The following DNAH7 variants were observed in gnomAD, a reference collection of about 807,000 sequenced individuals.
DNAH7 encodes dynein axonemal heavy chain 7.
DNAH7 carries 397 observed loss-of-function variants against 444.6 expected under a neutral mutation model. The ratio of observed to expected loss-of-function variants is 0.89; its 90% CI spans 0.82 to 0.97. The LOEUF is 0.97. Among genes scored for constraint, DNAH7 ranks in the 50% least tolerant of loss-of-function variants. The probability of loss-of-function intolerance (pLI) is 0.00; values close to 1 mark genes in which losing one functional copy is unlikely to be tolerated. For missense variants in DNAH7, 4,902 were observed against 4,800.8 expected, an observed-to-expected ratio of 1.02 and a Z score of -0.62; for synonymous variants, 1,636 against 1,624.4, an observed-to-expected ratio of 1.01 and a Z score of -0.17.
chr2:195,743,382 G>T (rs1693169370), intron 63 of DNAH7, among the ~76,000 whole-genome samples: 1 of 152,070 alleles, frequency 6.6e-6, no homozygotes, highest in Non-Finnish European at 1.5e-5. Flanking sequence ...TATTAGTTCT[G>T]TCCCTCTAGA....
chr2:195,899,127 T>A (rs1686533619), intron 28 of DNAH7, among the ~76,000 whole-genome samples: 1 of 152,224 alleles, frequency 6.6e-6, no homozygotes, highest in South Asian at 2.1e-4. Context: ...GCATGTCCTG[T>A]TGATCTGGAT....
chr2:195,871,581 T>A (rs560222863), intron 40 of DNAH7, among the ~76,000 whole-genome samples: 16 of 151,638 alleles, frequency 1.1e-4, no homozygotes, highest in African/African-American at 3.9e-4. Context: ...AGTAATACTA[T>A]ACAAATAAGT....
chr2:195,787,472 C>T lies in DNAH7; in HGVS notation c.10717-301G>A, dbSNP rs571101426. The stretch of plus-strand genomic sequence containing the variant: ...CAGATTTTTGAGGTCCTTACTGAAG[C>T]ATCATAAGGCAACATGTAACAATTC... On this transcript the variant is annotated intron_variant, in intron 57 of 64. Transcript: ENST00000312428. 2.6e-5 allele frequency among the ~76,000 whole-genome samples: 4 copies of T among 152,164 alleles called. No individual in the cohort carries two copies. In the South Asian group the frequency reaches 8.3e-4, roughly 32 times the overall value.
intron 1 of DNAH7, among the ~76,000 whole-genome samples, chr2:196,061,098 G>A (rs1321786200): frequency 3.9e-5 from 6 of 152,006 alleles, no homozygotes; most frequent in Admixed American, 6.6e-5. Flanking sequence ...TTTGTGGTAC[G>A]AGCACTTAAA....
chr2:195,966,367 C>A (rs1021768621), intron 17 of DNAH7, among the ~76,000 whole-genome samples: 6 of 152,078 alleles, frequency 3.9e-5, no homozygotes, highest in Admixed American at 2.0e-4. Flanking sequence ...TGTGACCTAA[C>A]ATATGGTCTA....
At chr2:195,926,864 A>G (rs1033328392) in intron 21 of DNAH7, among the ~76,000 whole-genome samples, 10 of 152,106 alleles carry the variant, frequency 6.6e-5, no homozygotes, top group African/African-American at 2.4e-4. Context: ...CATCCTAGAT[A>G]CATTTGGATT....
rs1254889850 is a variant in DNAH7, at chr2:196,001,755, C to T, written c.1093G>A (p.Ala365Thr). 1 of 1,612,352 alleles carries T rather than the reference C, an allele frequency of 6.2e-7. No individual in the cohort carries two copies. The highest frequency in any genetic ancestry group is 1.3e-5 in the African/African-American group (1 of 74,996). Residue 365 changes from alanine to threonine, a missense_variant, in exon 11 of 65, where the codon GCT becomes ACT. Coordinates refer to ENST00000312428, the MANE Select transcript of DNAH7 (RefSeq NM_018897.3). The part of the protein sequence containing the change: ...AKLESFFNCA[A>T]ALMTLQLQDL... ...TGCAGCTGTAAAGTCATAAGTGCAG[C>T]AGCACAGTTGAAAAAAGATTCCAAT...
At chr2:195,840,798 G>A (rs1698637645) in intron 47 of DNAH7, among the ~76,000 whole-genome samples, 1 of 151,688 alleles carries the variant, frequency 6.6e-6, no homozygotes, top group African/African-American at 2.4e-5. Context: ...ATCAAAGGAG[G>A]CCTAAGTACA....
intron 29 of DNAH7, among the ~76,000 whole-genome samples, chr2:195,895,938 C>A (rs1338386368): frequency 6.6e-6 from 1 of 152,072 alleles, no homozygotes; most frequent in Admixed American, 6.6e-5. Context: ...CAAAGTGCTA[C>A]AGTTTTTAAA....
intron 57 of DNAH7, among the ~76,000 whole-genome samples, chr2:195,792,424 C>G (rs1446903238): frequency 6.7e-6 from 1 of 149,392 alleles, no homozygotes; most frequent in Non-Finnish European, 1.5e-5. Flanking sequence ...CACACACACA[C>G]ACACACACAC....
At chr2:195,855,221 TATAAA>T (rs139062451) in intron 45 of DNAH7, among the ~76,000 whole-genome samples, 2,379 of 152,342 alleles carry the variant, frequency 0.016, 46 homozygotes, top group East Asian at 0.07. Context: ...TGTTGACTGT[TATAAA>T]ATATTATGAA....
Position 195,950,851 on chromosome 2 carries a change from C to CAAAAAAA in DNAH7, c.3078+6403_3078+6409dup, listed in dbSNP as rs67782183. On this transcript the variant is annotated intron_variant, in intron 19 of 64. Transcript: ENST00000312428. Reference sequence around the variant, plus strand: ...TAGGCAACAGAGTGGGACTCTGTCTCAAAAAAAAAAAAAAAAAAAAAAAAA... The same window carrying CAAAAAAA: ...TAGGCAACAGAGTGGGACTCTGTCTCAAAAAAAAAAAAAAAAAAAAAAAAAAAAAAAA... Among the ~76,000 whole-genome samples, 80 of 36,708 alleles carry CAAAAAAA rather than the reference C, an allele frequency of 2.2e-3. 11 individuals are homozygous for CAAAAAAA. The highest frequency in any genetic ancestry group is 4.2e-3 in the East Asian group (3 of 710). The allele number at this position is 36,708 out of a possible 152,430, so 24.1% of individuals were successfully genotyped here. A position where few individuals can be genotyped will look rare whatever the true frequency, so the allele number is the denominator to read the frequency against.
intron 12 of DNAH7, among the ~76,000 whole-genome samples, chr2:195,992,480 T>C (rs1312615186): frequency 1.3e-5 from 2 of 152,258 alleles, no homozygotes; most frequent in African/African-American, 4.8e-5. Context: ...GAAATCTTCC[T>C]GCAGTAAACT....
intron 19 of DNAH7, among the ~76,000 whole-genome samples, chr2:195,940,176 T>C (rs1305659242): frequency 7.9e-5 from 12 of 152,036 alleles, no homozygotes. Context: ...AAAACAGATA[T>C]ATAGACCAAT....
At chr2:195,945,900 T>C (rs932274835) in intron 19 of DNAH7, among the ~76,000 whole-genome samples, 1 of 152,122 alleles carries the variant, frequency 6.6e-6, no homozygotes, top group Admixed American at 6.6e-5. Flanking sequence ...GATTATCCAC[T>C]TACTTCATCT....
In DNAH7 at chr2:195,864,926, T is replaced by C; in HGVS notation, c.6729A>G (p.Glu2243=). The change falls in exon 41 of 65, where the codon GAA becomes GAG. Residue 2243 remains glutamate, a synonymous_variant. Coordinates refer to ENST00000312428, the MANE Select transcript of DNAH7 (RefSeq NM_018897.3). Reference sequence around the variant, plus strand: ...AACGCTGAAAAAGCTCATGAAAATCTTCATACATGTAGTTTCTCAAAATTT... The same window carrying C: ...AACGCTGAAAAAGCTCATGAAAATCCTCATACATGTAGTTTCTCAAAATTT... ...IQEILRNYMY[E]DFHELFQRLD... The C allele has an allele frequency of 6.2e-7, 1 of 1,612,330 alleles. No homozygotes were observed. Among genetic ancestry groups the C allele is most frequent in the East Asian group, 2.2e-5 (1 of 44,880 alleles).
chr2:195,970,089 C>T lies in DNAH7; in HGVS notation c.2064G>A (p.Arg688=), dbSNP rs201059016. ...IEQYQEGLKL[R]CERFVEELES... ...CCAATTCCTCCACAAACCGTTCACA[C>T]CGTAACTAATAAAAACAATTTGTTG... is the stretch of plus-strand genomic sequence containing the variant. The change falls in exon 17 of 65, where the codon CGG becomes CGA. Residue 688 remains arginine, a synonymous_variant. Transcript: ENST00000312428. The T allele has an allele frequency of 5.0e-4, 798 of 1,595,176 alleles. 1 individual carries two copies. Among genetic ancestry groups the T allele is most frequent in the Middle Eastern group, 6.7e-4 (4 of 6,006 alleles).
intron 41 of DNAH7, among the ~76,000 whole-genome samples, chr2:195,862,497 T>C (rs557440813): frequency 6.6e-6 from 1 of 152,246 alleles, no homozygotes; most frequent in East Asian, 1.9e-4. Context: ...CACTCCCCAA[T>C]TTATAACCAA....
intron 58 of DNAH7, among the ~76,000 whole-genome samples, chr2:195,783,713 A>G (rs1432612081): frequency 6.6e-6 from 1 of 152,088 alleles, no homozygotes; most frequent in Non-Finnish European, 1.5e-5. Flanking sequence ...ACACAATTCA[A>G]CTCCTAGTAT....
Sources: allele counts gnomAD v4.1 joint callset (sites outside exome capture counted in the v4.1 genomes callset), GRCh38; gene constraint gnomAD v4.1.1; transcripts MANE v1.5; gene names NCBI Gene and HGNC (gene_info 2026-07-23, HGNC 2026-07-21).